KIAA1671: variants seen among roughly 807,000 people sequenced by gnomAD.
KIAA1671 encodes KIAA1671, also known as uncharacterized protein KIAA1671.
Under a neutral mutation model 131.2 loss-of-function variants are expected in KIAA1671, and 52 were observed. That is an observed-to-expected ratio of 0.40 (90% CI 0.32 to 0.50). The LOEUF (loss-of-function observed/expected upper bound fraction) is 0.50, where lower values mean the gene tolerates loss of function less well. KIAA1671 is among the 20% of genes least tolerant of loss of function. The pLI is 0.73. For missense variants in KIAA1671, 2,360 were observed against 2,364.2 expected, an observed-to-expected ratio of 1.00 and a Z score of 0.04; for synonymous variants, 1,003 against 961.6, an observed-to-expected ratio of 1.04 and a Z score of -0.80.
chr22:25,005,824 C>G (rs1387508439), intron 1 of KIAA1671, among the ~76,000 whole-genome samples: 1 of 152,124 alleles, frequency 6.6e-6, no homozygotes, highest in East Asian at 1.9e-4. Flanking sequence ...GCTAGAAGAT[C>G]TAAGTTTTGT....
intron 1 of KIAA1671, chr22:25,015,216 A>G (rs2123881718): frequency 6.9e-6 from 1 of 145,236 alleles, no homozygotes; most frequent in South Asian, 2.4e-4. Flanking sequence ...ACACAGCAAG[A>G]CCTTGTCCCT....
chr22:24,985,748 A>ATG (rs59858869), intron 1 of KIAA1671, among the ~76,000 whole-genome samples: 2,171 of 138,336 alleles, frequency 0.016, 36 homozygotes, highest in African/African-American at 0.044. Context: ...GTGTGTGTGT[A>ATG]TGTGTGTGTG....
chr22:25,122,131 G>A (rs1931975026), intron 6 of KIAA1671, among the ~76,000 whole-genome samples: 1 of 152,196 alleles, frequency 6.6e-6, no homozygotes, highest in South Asian at 2.1e-4. Flanking sequence ...TGGAACTGCA[G>A]CACAACGCTT....
chr22:25,077,686 C>G (rs1334169952), intron 6 of KIAA1671, among the ~76,000 whole-genome samples: 1 of 152,208 alleles, frequency 6.6e-6, no homozygotes, highest in African/African-American at 2.4e-5. Flanking sequence ...GGTCCGTGTT[C>G]CATGCCTTGG....
At chr22:25,091,212 C>A (rs1045754161) in intron 6 of KIAA1671, among the ~76,000 whole-genome samples, 1 of 152,128 alleles carries the variant, frequency 6.6e-6, no homozygotes, top group African/African-American at 2.4e-5. Context: ...CGCCCACCAC[C>A]ATGTCTGGCT....
In KIAA1671 at chr22:24,952,866, GGCC is replaced by G. The variant is rs1320666263; in HGVS notation, c.-208+98_-208+100del. The G allele has an allele frequency of 6.6e-6, 1 of 152,156 alleles. No homozygotes were observed. The highest frequency in any genetic ancestry group is 1.5e-5 in the Non-Finnish European group (1 of 67,982). The allele number at this position is 152,156 out of a possible 1,614,324, so 9.4% of individuals were successfully genotyped here. ...GCTGGGGGTGACGGCGGCTGGCGAG[GGCC>G]GCCAAGTTTCTGCCCGGCCGAGGCC... On this transcript the variant is annotated intron_variant, in intron 1 of 12. Transcript: ENST00000358431. The surrounding 1 kb of genome is among the most constrained non-coding windows in gnomAD (Gnocchi z 4.5).
intron 1 of KIAA1671, among the ~76,000 whole-genome samples, chr22:24,955,675 G>A (rs546112891): frequency 6.6e-6 from 1 of 152,274 alleles, no homozygotes; most frequent in East Asian, 1.9e-4. Context: ...TGGGGAGGCT[G>A]GATGATCGGA....
chr22:25,189,416 G>A (rs1364442330), intron 11 of KIAA1671, among the ~76,000 whole-genome samples: 3 of 151,894 alleles, frequency 2.0e-5, no homozygotes, highest in South Asian at 2.1e-4. Context: ...CTCGTGATCC[G>A]CCCAGCTCGG....
At chr22:25,117,172 G>T (rs1283037763) in intron 6 of KIAA1671, among the ~76,000 whole-genome samples, 1 of 152,088 alleles carries the variant, frequency 6.6e-6, no homozygotes, top group Non-Finnish European at 1.5e-5. Flanking sequence ...GAACACTGTC[G>T]TATATAATGT....
rs1926788270 is a variant in KIAA1671, at chr22:25,039,334, T to C, written c.2204T>C (p.Ile735Thr). 6.4e-7 allele frequency: 1 copy of C among 1,551,976 alleles called. No individual in the cohort carries two copies. The change falls in exon 5 of 13, where the codon ATT becomes ACT. Residue 735 changes from isoleucine (I) to threonine (T), a missense_variant. Ile to Thr is a moderately conservative substitution (Grantham distance 89, BLOSUM62 -1). Coordinates refer to ENST00000358431, the MANE Select transcript of KIAA1671 (RefSeq NM_001145206.2). Reference protein sequence around the residue: ...TSQRIEPRYDIVHAVGERVHS... With the variant: ...TSQRIEPRYDTVHAVGERVHS... Reference sequence around the variant, plus strand: ...CAGAGAATTGAGCCCAGATATGACATTGTGCATGCAGTGGGAGAGCGTGTG... The same window carrying C: ...CAGAGAATTGAGCCCAGATATGACACTGTGCATGCAGTGGGAGAGCGTGTG...
chr22:25,192,069 G>A (rs940002447), intron 12 of KIAA1671, among the ~76,000 whole-genome samples: 1 of 152,078 alleles, frequency 6.6e-6, no homozygotes, highest in African/African-American at 2.4e-5. Context: ...CAAGGGATTT[G>A]GATAAGGGAT....
At chr22:25,163,558 C>T (rs1252814070) in intron 6 of KIAA1671, among the ~76,000 whole-genome samples, 1 of 149,736 alleles carries the variant, frequency 6.7e-6, no homozygotes, top group Admixed American at 6.8e-5. Flanking sequence ...TCTCTTACCT[C>T]AGCCTCCAAA....
chr22:25,003,314 C>A (rs1924571933), intron 1 of KIAA1671, among the ~76,000 whole-genome samples: 1 of 150,992 alleles, frequency 6.6e-6, no homozygotes, highest in Non-Finnish European at 1.5e-5. Flanking sequence ...AACACAAATA[C>A]TTATCTTGTT....
intron 1 of KIAA1671, among the ~76,000 whole-genome samples, chr22:24,997,215 A>G (rs1924184651): frequency 6.6e-6 from 1 of 152,180 alleles, no homozygotes; most frequent in African/African-American, 2.4e-5. Flanking sequence ...TGTCACAAAG[A>G]AACAGAGAGT....
intron 1 of KIAA1671, among the ~76,000 whole-genome samples, chr22:24,978,803 C>T (rs1260292083): frequency 6.6e-6 from 1 of 152,074 alleles, no homozygotes; most frequent in African/African-American, 2.4e-5. Flanking sequence ...CCTGCTTCAG[C>T]CTCCTGAATA....
At chr22:25,077,656 CT>C (rs945093834) in intron 6 of KIAA1671, among the ~76,000 whole-genome samples, 9 of 152,194 alleles carry the variant, frequency 5.9e-5, no homozygotes, top group African/African-American at 2.2e-4. Context: ...CTCACCTGCC[CT>C]TTTAAGATCC....
At chr22:24,989,805 G>A (rs76456712) in intron 1 of KIAA1671, among the ~76,000 whole-genome samples, 3 of 152,100 alleles carry the variant, frequency 2.0e-5, no homozygotes, top group Non-Finnish European at 2.9e-5. Flanking sequence ...GAGGGTGTGC[G>A]GGGTGAATGT....
intron 6 of KIAA1671, among the ~76,000 whole-genome samples, chr22:25,081,075 G>A (rs1415059499): frequency 6.6e-6 from 1 of 152,146 alleles, no homozygotes; most frequent in Non-Finnish European, 1.5e-5. Flanking sequence ...CTGCTGAAAG[G>A]AACCGTAAAT....
intron 6 of KIAA1671, chr22:25,052,633 A>C (rs1927598720): frequency 6.6e-6 from 1 of 151,734 alleles, no homozygotes; most frequent in Non-Finnish European, 1.5e-5. Flanking sequence ...CGGTGGGAGG[A>C]CAGAGCCCAA....
Sources: gnomAD v4.1 joint callset for allele counts (sites outside exome capture counted in the v4.1 genomes callset) on GRCh38, gnomAD v4.1.1 for gene constraint, Gnocchi (gnomAD v3.1) non-coding constraint, MANE v1.5 for transcripts, NCBI Gene and HGNC (gene_info 2026-07-23, HGNC 2026-07-21) for gene names.